NME7: variants seen among roughly 807,000 people sequenced by gnomAD.
The protein encoded by NME7 is nucleoside diphosphate kinase 7.
Under a neutral mutation model 49.1 loss-of-function variants are expected in NME7, and 41 were observed. The observed-to-expected ratio is 0.83, with a 90% CI of 0.65 to 1.08. The LOEUF (loss-of-function observed/expected upper bound fraction) is 1.08. NME7 is among the 50% of genes least tolerant of loss of function. The pLI, the probability that NME7 is intolerant of heterozygous loss-of-function variation, is 0.00. For missense variants in NME7, 423 were observed against 463.4 expected (o/e 0.91, Z 0.80); for synonymous variants, 139 against 150.6 (o/e 0.92, Z 0.56).
At chr1:169,201,825 A>G (rs1421553246) in intron 10 of NME7, among the ~76,000 whole-genome samples, 3 of 152,162 alleles carry the variant, frequency 2.0e-5, no homozygotes, top group Non-Finnish European at 4.4e-5. Flanking sequence ...ACAAGATTTG[A>G]GAGTTACCAG....
chr1:169,201,025 G>GT (rs1327179047), intron 10 of NME7, among the ~76,000 whole-genome samples: 1 of 152,106 alleles, frequency 6.6e-6, no homozygotes, highest in Non-Finnish European at 1.5e-5. Context: ...GAACTCAGGA[G>GT]TTTGAGACCA....
At chr1:169,334,336 A>T (rs540433910) in intron 1 of NME7, among the ~76,000 whole-genome samples, 2 of 152,312 alleles carry the variant, frequency 1.3e-5, no homozygotes, top group Non-Finnish European at 1.5e-5. Context: ...GAGTAATCAA[A>T]ACAGCATGGT....
rs57208982 is a variant in NME7 at position 169,154,060 on chromosome 1, C to T, written c.1098+15387G>A. Among the ~76,000 whole-genome samples the T allele has an allele frequency of 5.9e-3, 894 of 152,144 alleles. 8 individuals are homozygous for T. Among genetic ancestry groups the T allele is most frequent in the African/African-American group, 0.021 (853 of 41,494 alleles). On this transcript the variant is annotated intron_variant, in intron 11 of 11. Coordinates refer to ENST00000367811, the MANE Select transcript of NME7 (RefSeq NM_013330.5). ...AACAGAATCTCACTCTGTCATCCAG[C>T]TGGAGTACAGTGGCATGATCACAGC...
Position 169,134,909 on chromosome 1 carries a change from C to T in NME7, c.1099-2092G>A, listed in dbSNP as rs192134320. 2.7e-3 allele frequency among the ~76,000 whole-genome samples: 397 copies of T among 149,352 alleles called. 2 individuals are homozygous for T. Among genetic ancestry groups the T allele is most frequent in the African/African-American group, 9.4e-3 (382 of 40,480 alleles). ...TAGCATTTTAGGCCAGGCACAGTGG[C>T]TCATGCCTGTATCCTAACACTTTAA... On this transcript the variant is annotated intron_variant, in intron 11 of 11. Transcript: ENST00000367811.
chr1:169,176,993 A>G (rs1659772451), intron 10 of NME7, among the ~76,000 whole-genome samples: 1 of 152,084 alleles, frequency 6.6e-6, no homozygotes, highest in South Asian at 2.1e-4. Context: ...CATTACTACT[A>G]AAAAATTTAA....
chr1:169,336,089 C>G (rs1342798709), intron 1 of NME7, among the ~76,000 whole-genome samples: 1 of 151,776 alleles, frequency 6.6e-6, no homozygotes. Flanking sequence ...CTGGTGGGTT[C>G]GTGGTCTCGC....
intron 1 of NME7, among the ~76,000 whole-genome samples, chr1:169,354,946 T>TATTATATATGTTTATATATA (rs1653334939): frequency 2.9e-5 from 2 of 69,474 alleles, no homozygotes; most frequent in East Asian, 5.7e-4. Flanking sequence ...ATGTATTATA[T>TATTATATATGTTTATATATA]ATTATATATG....
At chr1:169,273,724 T>C (rs1649585429) in intron 7 of NME7, among the ~76,000 whole-genome samples, 1 of 125,580 alleles carries the variant, frequency 8.0e-6, no homozygotes, top group South Asian at 2.5e-4. Flanking sequence ...TGGTTTTTTG[T>C]CCTTGCGATA....
chr1:169,241,906 C>T (rs1002749313), intron 7 of NME7, among the ~76,000 whole-genome samples: 5 of 151,276 alleles, frequency 3.3e-5, no homozygotes, highest in African/African-American at 1.2e-4. Context: ...CTCCAATAGC[C>T]CTTATAAATA....
At chr1:169,226,470 A>T (rs1647346933) in intron 10 of NME7, among the ~76,000 whole-genome samples, 1 of 152,160 alleles carries the variant, frequency 6.6e-6, no homozygotes, top group Non-Finnish European at 1.5e-5. Context: ...TCTGAGACCA[A>T]AGGGAAAGAG....
At chr1:169,355,142 A>AT (rs1653377127) in intron 1 of NME7, among the ~76,000 whole-genome samples, 3 of 41,956 alleles carry the variant, frequency 7.2e-5, no homozygotes, top group African/African-American at 2.9e-4. Flanking sequence ...GATATAATAT[A>AT]TAATATACTA....
chr1:169,316,895 T>C lies in NME7; in HGVS notation c.278+6222A>G, dbSNP rs185092026. Among the ~76,000 whole-genome samples the C allele has an allele frequency of 7.2e-5, 11 of 151,936 alleles. No homozygotes were observed. The East Asian group carries it at 1.9e-3, about 27-fold the overall frequency. On this transcript the variant is annotated intron_variant, in intron 3 of 11. Transcript: ENST00000367811. ...TGTATTGTTTAAGTGACTAACTTGG[T>C]AGTAATTTGTTATAACTTCAATAGA...
intron 1 of NME7, among the ~76,000 whole-genome samples, chr1:169,347,339 G>A (rs1266762231): frequency 3.9e-5 from 6 of 152,162 alleles, no homozygotes; most frequent in Non-Finnish European, 5.9e-5. Context: ...ATGTCAAAAC[G>A]GGATGAGGAA....
At chr1:169,166,822 A>G (rs1421647424) in intron 11 of NME7, among the ~76,000 whole-genome samples, 1 of 152,144 alleles carries the variant, frequency 6.6e-6, no homozygotes, top group African/African-American at 2.4e-5. Context: ...AATACAAAAA[A>G]TTAGCTGGGC....
chr1:169,242,291 A>T (rs1425016551), intron 7 of NME7, among the ~76,000 whole-genome samples: 1 of 152,114 alleles, frequency 6.6e-6, no homozygotes, highest in Non-Finnish European at 1.5e-5. Flanking sequence ...TCACATGAAC[A>T]CATCAATATA....
chr1:169,359,832 A>T (rs1215506472), intron 1 of NME7, among the ~76,000 whole-genome samples: 1 of 152,198 alleles, frequency 6.6e-6, no homozygotes, highest in African/African-American at 2.4e-5. Flanking sequence ...GGCACAGCAC[A>T]TAAGATGAGT....
At chr1:169,159,546 A>C (rs1659182706) in intron 11 of NME7, among the ~76,000 whole-genome samples, 1 of 152,162 alleles carries the variant, frequency 6.6e-6, no homozygotes, top group African/African-American at 2.4e-5. Flanking sequence ...CATGGCTCTG[A>C]GATTCTTCTT....
At chr1:169,217,046 A>G (rs972396841) in intron 10 of NME7, among the ~76,000 whole-genome samples, 1 of 152,238 alleles carries the variant, frequency 6.6e-6, no homozygotes, top group African/African-American at 2.4e-5. Context: ...TGTATATCAA[A>G]TCATCATTTG....
At chr1:169,198,041 A>G in intron 10 of NME7, among the ~76,000 whole-genome samples, 1 of 152,098 alleles carries the variant, frequency 6.6e-6, no homozygotes, top group East Asian at 1.9e-4. Context: ...AAAAATAGGC[A>G]AAGAACTGAA....
Sources: allele counts gnomAD v4.1 joint callset (sites outside exome capture counted in the v4.1 genomes callset), GRCh38; gene constraint gnomAD v4.1.1; transcripts MANE v1.5; gene names NCBI Gene and HGNC (gene_info 2026-07-23, HGNC 2026-07-21).